Variants in MAP3K19 observed in about 807,000 individuals in gnomAD.
MAP3K19 encodes the protein mitogen-activated protein kinase kinase kinase 19, also known as SPS1/STE20-related protein kinase YSK4.
MAP3K19 carries 91 observed loss-of-function variants against 114.4 expected under a neutral mutation model. The ratio of observed to expected loss-of-function variants is 0.80; its 90% confidence interval spans 0.67 to 0.95. The LOEUF (loss-of-function observed/expected upper bound fraction) is 0.95. Among genes scored for constraint, MAP3K19 ranks in the 40% least tolerant of loss-of-function variants. MAP3K19 has a pLI of 0.00. For synonymous variants in MAP3K19, 518 were observed against 530.5 expected, an observed-to-expected ratio of 0.98 and a Z score of 0.32; for missense variants, 1,471 against 1,573.2, an observed-to-expected ratio of 0.94 and a Z score of 1.10.
chr2:134,993,955 A>G (rs1685803181), intron 8 of MAP3K19, among the ~76,000 whole-genome samples: 1 of 152,178 alleles, frequency 6.6e-6, no homozygotes, highest in South Asian at 2.1e-4. Context: ...GGCTGCAGCG[A>G]GCCATGTTTG....
In MAP3K19 at chr2:134,999,609, A is replaced by G. The variant is rs1686292995; in HGVS notation, c.314+328T>C. The stretch of plus-strand genomic sequence containing the variant: ...CACATTCTAAGTAGCTCTGCCCTGC[A>G]GTAGGGTCAGCAAACTACAGCCCGG... On this transcript the variant is annotated intron_variant, in intron 7 of 12. Coordinates refer to ENST00000392915, the MANE Select transcript of MAP3K19 (RefSeq NM_025052.5). The surrounding 1 kb of genome is among the most constrained non-coding windows in gnomAD (Gnocchi z 4.1). Among the ~76,000 whole-genome samples, 1 of 152,312 alleles carries G rather than the reference A, an allele frequency of 6.6e-6. No homozygotes were observed. The highest frequency in any genetic ancestry group is 1.9e-4 in the East Asian group (1 of 5,178).
chr2:134,973,737 T>C (rs1311758832), intron 12 of MAP3K19, among the ~76,000 whole-genome samples: 1 of 152,180 alleles, frequency 6.6e-6, no homozygotes, highest in African/African-American at 2.4e-5. Context: ...AACGTTTGAG[T>C]CCTTTCTCTA....
intron 12 of MAP3K19, among the ~76,000 whole-genome samples, chr2:134,967,465 A>C (rs1447941096): frequency 2.0e-5 from 3 of 152,174 alleles, no homozygotes; most frequent in Non-Finnish European, 2.9e-5. Context: ...CTGATTGTAC[A>C]TTTGTTCAGT....
intron 2 of MAP3K19, among the ~76,000 whole-genome samples, chr2:135,033,189 G>A (rs1416974555): frequency 4.4e-5 from 5 of 112,602 alleles, no homozygotes; most frequent in Non-Finnish European, 8.4e-5. Context: ...AGTAGGGGCG[G>A]CCGGGCAGAG....
At position 135,032,122 on chromosome 2, in the gene MAP3K19, G is replaced by C. The variant is rs192473276; in HGVS notation, c.-283-1622C>G. ...TTTGAAAAACAGTCTAGTTTGGGAG[G>C]CCAAGGTGGGTGGATCATGAGGTCA... On this transcript the variant is annotated intron_variant, in intron 2 of 12. Transcript: ENST00000392915. 1.7e-3 allele frequency among the ~76,000 whole-genome samples: 259 copies of C among 152,206 alleles called. 1 individual carries two copies. The highest frequency in any genetic ancestry group is 3.1e-3 in the Non-Finnish European group (211 of 67,994).
chr2:134,998,709 C>T, intron 8 of MAP3K19, 29 bp downstream of exon 8: 1 of 1,573,900 alleles, frequency 6.4e-7, no homozygotes, highest in Non-Finnish European at 8.6e-7. Context: ...ACCAAAAGGA[C>T]TCACTGTGGA....
At chr2:135,012,701 G>A (rs1687312723) in intron 5 of MAP3K19, among the ~76,000 whole-genome samples, 1 of 152,038 alleles carries the variant, frequency 6.6e-6, no homozygotes, top group African/African-American at 2.4e-5. Flanking sequence ...TTATCATGCT[G>A]TCTCTTGATT....
chr2:134,968,316 C>G (rs970742795), intron 12 of MAP3K19, among the ~76,000 whole-genome samples: 2 of 151,614 alleles, frequency 1.3e-5, no homozygotes, highest in East Asian at 1.9e-4. Context: ...ACCTTTCCCC[C>G]GTTTCTATTC....
At chr2:134,993,421 G>A (rs1302543158) in intron 8 of MAP3K19, among the ~76,000 whole-genome samples, 3 of 152,154 alleles carry the variant, frequency 2.0e-5, no homozygotes, top group African/African-American at 7.2e-5. Context: ...CATTCTTAAT[G>A]CATTTACTCA....
rs567673429 is a variant in MAP3K19, at chr2:134,985,504, A to G, written c.3072+296T>C. Reference sequence around the variant, plus strand: ...TGATATGCTGTTGATTGAAAATGTCATCATTGAATAAAATACTGACCTATT... The same window carrying G: ...TGATATGCTGTTGATTGAAAATGTCGTCATTGAATAAAATACTGACCTATT... On this transcript the variant is annotated intron_variant, in intron 10 of 12. Transcript: ENST00000392915. 1.1e-3 allele frequency among the ~76,000 whole-genome samples: 171 copies of G among 152,350 alleles called. 1 individual carries two copies. Among genetic ancestry groups the G allele is most frequent in the African/African-American group, 4.0e-3 (167 of 41,584 alleles).
At chr2:135,038,041 G>C (rs1377411445) in intron 2 of MAP3K19, among the ~76,000 whole-genome samples, 3 of 152,152 alleles carry the variant, frequency 2.0e-5, no homozygotes, top group African/African-American at 7.2e-5. Context: ...ATGTCTGCGA[G>C]TGAAAGGGCC....
Position 134,986,323 on chromosome 2 carries a change from A to G in MAP3K19, c.2549T>C (p.Ile850Thr). ...CACTGCCCAGCTGTCTTCTGAAGGG[A>G]TAAATGGGATCTGGTGATGTAGCTC... ...LEELHHQIPF[I>T]PSEDSWAVPS... The change falls in exon 10 of 13, where the codon ATC becomes ACC. Residue 850 changes from isoleucine (I) to threonine (T), a missense_variant. By Grantham distance (89) the Ile-to-Thr change is moderately conservative. Transcript: ENST00000392915. 6.2e-7 allele frequency: 1 copy of G among 1,613,804 alleles called. No homozygotes were observed. The highest frequency in any genetic ancestry group is 1.7e-5 in the Admixed American group (1 of 59,976).
chr2:134,996,736 C>G (rs1276189768), intron 8 of MAP3K19, among the ~76,000 whole-genome samples: 1 of 152,116 alleles, frequency 6.6e-6, no homozygotes, highest in African/African-American at 2.4e-5. Context: ...AGATATGAGG[C>G]TGAAAGAGGC....
chr2:135,025,478 C>T (rs1313717749), intron 3 of MAP3K19, among the ~76,000 whole-genome samples: 9 of 148,792 alleles, frequency 6.0e-5, no homozygotes, highest in South Asian at 2.1e-4. Flanking sequence ...CTCTGCCTCC[C>T]GGGTTCACGC....
At chr2:135,016,519 C>T (rs1314477578) in intron 5 of MAP3K19, among the ~76,000 whole-genome samples, 1 of 152,146 alleles carries the variant, frequency 6.6e-6, no homozygotes, top group African/African-American at 2.4e-5. Flanking sequence ...AATTTAGAAT[C>T]AGCTTGTTAA....
Position 134,999,797 on chromosome 2 carries a change from G to C in MAP3K19, c.314+140C>G, listed in dbSNP as rs531986671. 1 of 641,658 alleles carries C rather than the reference G, an allele frequency of 1.6e-6. No individual in the cohort carries two copies. The highest frequency in any genetic ancestry group is 1.8e-5 in the African/African-American group (1 of 55,020). The allele number at this position is 641,658 out of a possible 1,614,324, so 39.7% of individuals were successfully genotyped here. On this transcript the variant is annotated intron_variant, in intron 7 of 12. Coordinates refer to ENST00000392915, the MANE Select transcript of MAP3K19 (RefSeq NM_025052.5). This position sits in a 1 kb window ranked among gnomAD's most constrained non-coding sequence, Gnocchi z 4.1. ...ACACAGCCAAAGTGTTTATGATCTG[G>C]CCTCTGCCACATACTATTTATTGTG...
intron 6 of MAP3K19, among the ~76,000 whole-genome samples, chr2:135,002,492 C>T (rs1264325042): frequency 6.6e-6 from 1 of 151,264 alleles, no homozygotes; most frequent in Non-Finnish European, 1.5e-5. Context: ...TCAATGAGGT[C>T]CTTGTTCTAT....
chr2:135,035,937 C>T lies in MAP3K19; in HGVS notation c.-284+4426G>A, dbSNP rs186146489. On this transcript the variant is annotated intron_variant, in intron 2 of 12. Coordinates refer to ENST00000392915, the MANE Select transcript of MAP3K19 (RefSeq NM_025052.5). The stretch of plus-strand genomic sequence containing the variant: ...GCAACCTCCGCCTCCAGGGTTCAAG[C>T]GATTTTCCTGCCTCAGCCTCCTGAG... Among the ~76,000 whole-genome samples the T allele has an allele frequency of 2.4e-3, 364 of 152,280 alleles. 2 individuals carry two copies. The Middle Eastern group carries it at 0.037, about 16-fold the overall frequency.
chr2:135,022,752 T>C (rs968510552), intron 4 of MAP3K19, among the ~76,000 whole-genome samples: 4 of 152,192 alleles, frequency 2.6e-5, no homozygotes, highest in Non-Finnish European at 4.4e-5. Flanking sequence ...TTAATAGCGA[T>C]CAACAGTTAT....
Sources: allele counts gnomAD v4.1 joint callset (sites outside exome capture counted in the v4.1 genomes callset), GRCh38; gene constraint gnomAD v4.1.1; non-coding constraint Gnocchi (gnomAD v3.1); transcripts MANE v1.5; gene names NCBI Gene and HGNC (gene_info 2026-07-23, HGNC 2026-07-21).